Variants in CTNNA2 observed in about 807,000 individuals in gnomAD.
The protein encoded by CTNNA2 is catenin alpha 2.
In CTNNA2, 42 loss-of-function variants were observed where a neutral mutation model predicts 101.0. The observed-to-expected ratio is 0.42, with a 90% CI of 0.32 to 0.54. The LOEUF (loss-of-function observed/expected upper bound fraction) is 0.54, where lower values mean the gene tolerates loss of function less well. CTNNA2 is among the 20% of genes least tolerant of loss of function. The pLI, the probability that CTNNA2 is intolerant of heterozygous loss-of-function variation, is 0.14. For missense variants in CTNNA2, 871 were observed against 1,223.1 expected (o/e 0.71, Z 4.29); for synonymous variants, 450 against 456.4 (o/e 0.99, Z 0.18).
intron 7 of CTNNA2, among the ~76,000 whole-genome samples, chr2:80,107,632 G>A (rs1700971056): frequency 6.6e-6 from 1 of 152,232 alleles, no homozygotes; most frequent in South Asian, 2.1e-4. Flanking sequence ...GACTCACGGA[G>A]TGTGGTGCCC....
Position 80,574,420 on chromosome 2 carries a change from G to T in CTNNA2, c.1893+106G>T, listed in dbSNP as rs1694867593. 11 of 1,334,220 alleles carry T rather than the reference G, an allele frequency of 8.2e-6. No individual in the cohort carries two copies. In the South Asian group the frequency reaches 1.2e-4, roughly 14 times the overall value. The allele number at this position is 1,334,220 out of a possible 1,614,324, so 82.6% of individuals were successfully genotyped here. A position where few individuals can be genotyped will look rare whatever the true frequency, so the allele number is the denominator to read the frequency against. On this transcript the variant is annotated intron_variant, in intron 13 of 18. Transcript: ENST00000402739. ...ATTTTGTAATTACTGAGTTTAACTT[G>T]GTAAGCTGTTTGGCTCCTTATTAGT...
chr2:79,578,753 A>T (rs79729931), intron 1 of CTNNA2, among the ~76,000 whole-genome samples: 3,062 of 152,138 alleles, frequency 0.02, 120 homozygotes, highest in African/African-American at 0.069. Context: ...CAAGTCACTA[A>T]AGTTTGTCTT....
At chr2:80,248,571 T>C (rs1373554333) in intron 7 of CTNNA2, among the ~76,000 whole-genome samples, 1 of 152,172 alleles carries the variant, frequency 6.6e-6, no homozygotes, top group Non-Finnish European at 1.5e-5. Flanking sequence ...ACTCAGCCAC[T>C]TTGTAGCCCA....
At chr2:80,368,212 A>G (rs1675113133) in intron 7 of CTNNA2, among the ~76,000 whole-genome samples, 1 of 152,064 alleles carries the variant, frequency 6.6e-6, no homozygotes, top group Admixed American at 6.6e-5. Flanking sequence ...CCATTTTTAG[A>G]CTTTCAGCAT....
chr2:80,100,576 A>G (rs1354884792), intron 7 of CTNNA2, among the ~76,000 whole-genome samples: 1 of 151,632 alleles, frequency 6.6e-6, no homozygotes, highest in Non-Finnish European at 1.5e-5. Context: ...TCATGAGACT[A>G]CTCTTGAACT....
At chr2:79,681,002 C>G (rs1429822901) in intron 2 of CTNNA2, among the ~76,000 whole-genome samples, 1 of 151,960 alleles carries the variant, frequency 6.6e-6, no homozygotes, top group Non-Finnish European at 1.5e-5. Context: ...AAAGAAAAAG[C>G]AAAATTACTT....
At chr2:80,178,010 G>A (rs1705508502) in intron 7 of CTNNA2, among the ~76,000 whole-genome samples, 2 of 152,222 alleles carry the variant, frequency 1.3e-5, no homozygotes, top group African/African-American at 4.8e-5. Context: ...CCACTTTCAG[G>A]TGGTGCCTGC....
chr2:79,974,350 A>G (rs1690692700), intron 7 of CTNNA2, among the ~76,000 whole-genome samples: 1 of 152,152 alleles, frequency 6.6e-6, no homozygotes, highest in African/African-American at 2.4e-5. Flanking sequence ...TTTATGTGGA[A>G]TCCTAAAAGG....
intron 3 of CTNNA2, among the ~76,000 whole-genome samples, chr2:79,345,503 ACACT>A (rs1287689321): frequency 3.9e-5 from 6 of 152,164 alleles, no homozygotes; most frequent in African/African-American, 1.2e-4. Flanking sequence ...CTCCTTTCAT[ACACT>A]CACTCACACT....
intron 3 of CTNNA2, among the ~76,000 whole-genome samples, chr2:79,362,048 T>C (rs1223338979): frequency 6.6e-6 from 1 of 152,168 alleles, no homozygotes; most frequent in African/African-American, 2.4e-5. Context: ...GCCAAAATAA[T>C]TTTAAAATTG....
chr2:79,940,086 C>T (rs1480264334), intron 7 of CTNNA2, among the ~76,000 whole-genome samples: 1 of 152,092 alleles, frequency 6.6e-6, no homozygotes, highest in Non-Finnish European at 1.5e-5. Context: ...CAAACCAAAA[C>T]CAAAACAAAC....
At chr2:79,859,415 AT>A (rs1681409584) in intron 4 of CTNNA2, among the ~76,000 whole-genome samples, 1 of 152,286 alleles carries the variant, frequency 6.6e-6, no homozygotes, top group African/African-American at 2.4e-5. Context: ...CTTGGGCAGG[AT>A]CTTTTACCGA....
At chr2:79,232,950 A>T (rs1285771052) in intron 2 of CTNNA2, among the ~76,000 whole-genome samples, 1 of 152,124 alleles carries the variant, frequency 6.6e-6, no homozygotes, top group East Asian at 1.9e-4. Flanking sequence ...TTGTTAATTC[A>T]GCTAACAGCT....
chr2:79,977,170 C>T (rs1259587680), intron 7 of CTNNA2, among the ~76,000 whole-genome samples: 1 of 150,996 alleles, frequency 6.6e-6, no homozygotes, highest in East Asian at 1.9e-4. Context: ...TCAATAAATG[C>T]ATGAGTGATG....
chr2:80,138,718 G>A (rs2148905893), intron 7 of CTNNA2, among the ~76,000 whole-genome samples: 1 of 152,136 alleles, frequency 6.6e-6, no homozygotes, highest in East Asian at 1.9e-4. Flanking sequence ...CCTCATTCTT[G>A]ATTTTTCTCA....
intron 7 of CTNNA2, among the ~76,000 whole-genome samples, chr2:80,341,282 C>T (rs947336444): frequency 6.6e-6 from 1 of 152,088 alleles, no homozygotes; most frequent in Admixed American, 6.5e-5. Context: ...TGCTTTTAGT[C>T]ATGGTTTGGT....
chr2:79,714,358 A>G (rs1685935742), intron 2 of CTNNA2, among the ~76,000 whole-genome samples: 1 of 152,034 alleles, frequency 6.6e-6, no homozygotes, highest in African/African-American at 2.4e-5. Flanking sequence ...TGTGGAGTCA[A>G]GGAGGTTGCT....
intron 7 of CTNNA2, among the ~76,000 whole-genome samples, chr2:80,033,946 T>A (rs905770146): frequency 1.7e-5 from 2 of 119,326 alleles, no homozygotes; most frequent in African/African-American, 5.9e-5. Flanking sequence ...CCAGCATAGA[T>A]TACAAACAAA....
chr2:79,618,726 G>A (rs899235014), intron 1 of CTNNA2, among the ~76,000 whole-genome samples: 2 of 152,032 alleles, frequency 1.3e-5, no homozygotes, highest in Admixed American at 6.6e-5. Flanking sequence ...TATTCACTTC[G>A]TAATTCTGAA....
Sources: allele counts gnomAD v4.1 joint callset (sites outside exome capture counted in the v4.1 genomes callset), GRCh38; gene constraint gnomAD v4.1.1; transcripts MANE v1.5; gene names NCBI Gene and HGNC (gene_info 2026-07-23, HGNC 2026-07-21).